Variants in CLASP2 observed in about 807,000 individuals in gnomAD.
The protein encoded by CLASP2 is cytoplasmic linker associated protein 2, also known as CLIP-associating protein 2.
In CLASP2, 47 loss-of-function variants were observed where a neutral mutation model predicts 194.4. The observed-to-expected ratio is 0.24, with a 90% CI of 0.19 to 0.31. The LOEUF (loss-of-function observed/expected upper bound fraction) is 0.31, where lower values mean the gene tolerates loss of function less well. Ranked by LOEUF, CLASP2 falls within the 10% of genes least tolerant of loss-of-function variation. CLASP2 has a pLI of 1.00. For missense variants in CLASP2, 1,445 were observed against 1,823.6 expected (o/e 0.79, Z 3.78); for synonymous variants, 619 against 633.5 (o/e 0.98, Z 0.34).
chr3:33,675,092 C>T (rs1046813670), intron 6 of CLASP2, among the ~76,000 whole-genome samples: 16 of 152,130 alleles, frequency 1.1e-4, no homozygotes, highest in African/African-American at 3.6e-4. Flanking sequence ...TTTTATGAGG[C>T]CAGCATCATC....
At chr3:33,586,865 A>G (rs915686385) in intron 21 of CLASP2, among the ~76,000 whole-genome samples, 6 of 152,096 alleles carry the variant, frequency 3.9e-5, no homozygotes, top group African/African-American at 1.4e-4. Context: ...CAGGATGTCA[A>G]AAAAGAGAGG....
chr3:33,543,306 G>A (rs2058666815), intron 32 of CLASP2, 127 bp downstream of exon 32: 2 of 620,578 alleles, frequency 3.2e-6, no homozygotes, highest in Admixed American at 5.1e-5. Context: ...CTGGGAGGTA[G>A]AGGTTGCAGT....
At chr3:33,582,641 G>A (rs1187703064) in intron 22 of CLASP2, among the ~76,000 whole-genome samples, 2 of 152,142 alleles carry the variant, frequency 1.3e-5, no homozygotes, top group African/African-American at 4.8e-5. Context: ...CTGGGTAACA[G>A]AGTAAGACCC....
chr3:33,591,807 TTA>T (rs1214389774), intron 21 of CLASP2, among the ~76,000 whole-genome samples: 1 of 152,222 alleles, frequency 6.6e-6, no homozygotes, highest in African/African-American at 2.4e-5. Context: ...TCATTTCAAA[TTA>T]TGTTTCCTCA....
At chr3:33,647,260 T>C (rs2082424569) in intron 7 of CLASP2, among the ~76,000 whole-genome samples, 1 of 152,260 alleles carries the variant, frequency 6.6e-6, no homozygotes, top group South Asian at 2.1e-4. Context: ...TAATTTATTT[T>C]AGATTATAAG....
chr3:33,717,766 C>A, intron 1 of CLASP2, 42 bp downstream of exon 1: 1 of 1,543,186 alleles, frequency 6.5e-7, no homozygotes, highest in Non-Finnish European at 8.7e-7. Context: ...AAAGGGCTGC[C>A]GCGGAGGGCG....
chr3:33,571,038 C>A (rs986249300), intron 25 of CLASP2, among the ~76,000 whole-genome samples: 2 of 101,174 alleles, frequency 2.0e-5, no homozygotes, highest in African/African-American at 3.4e-5. Flanking sequence ...TTTTTTGAGA[C>A]GGAGTCTCGC....
In CLASP2 at chr3:33,717,809, C is replaced by T. The variant is rs1394500753; in HGVS notation, c.194G>A (p.Arg65Gln). The change falls in exon 1 of 39, where the codon CGG becomes CAG. Residue 65 changes from arginine (R) to glutamine (Q), a missense_variant and splice_region_variant. Physicochemically the swap from Arg to Gln is conservative, Grantham distance 43. This residue lies in a region of CLASP2 where 332 missense variants were observed against 325.3 expected (regional missense o/e 1.02). Coordinates refer to ENST00000682230, the MANE Select transcript of CLASP2 (RefSeq NM_001365631.1). ...LTGWVGSSNY[R>Q]VSLMGLEILS... ...CCCAGCCTCGCCGCCGTCGCTTACC[C>T]GGTAGTTGCTCGAACCCACCCAGCC... 1.9e-6 allele frequency: 3 copies of T among 1,556,004 alleles called. No individual in the cohort carries two copies. Among genetic ancestry groups the T allele is most frequent in the East Asian group, 2.4e-5 (1 of 41,420 alleles).
At chr3:33,629,607 T>C (rs959506767) in intron 9 of CLASP2, among the ~76,000 whole-genome samples, 5 of 152,044 alleles carry the variant, frequency 3.3e-5, no homozygotes, top group African/African-American at 4.8e-5. Context: ...CACAGAAACA[T>C]AGTAAGCATA....
chr3:33,551,326 A>C lies in CLASP2; in HGVS notation c.3079T>G (p.Ser1027Ala), dbSNP rs1403101210. ...GACACTGCTAGGCGAGTTTCACTGG[A>C]ATTTATAAAATCTCCTGGATCCATC... ...KQMDPGDFIN[S>A]SETRLAVSRV... The change falls in exon 30 of 39, where the codon TCC becomes GCC. Residue 1027 changes from serine (S) to alanine (A), a missense_variant. Transcript: ENST00000682230. 3.1e-6 allele frequency: 5 copies of C among 1,613,834 alleles called. No individual in the cohort carries two copies. The South Asian group carries it at 5.5e-5, about 18-fold the overall frequency.
chr3:33,584,719 G>A, intron 22 of CLASP2, 31 bp downstream of exon 22: 2 of 1,435,368 alleles, frequency 1.4e-6, no homozygotes, highest in Non-Finnish European at 1.9e-6. Context: ...AGGGTTACAT[G>A]TCTCACATAA....
intron 31 of CLASP2, among the ~76,000 whole-genome samples, chr3:33,543,916 T>C (rs1375957100): frequency 6.6e-6 from 1 of 152,182 alleles, no homozygotes; most frequent in Non-Finnish European, 1.5e-5. Context: ...TTAAATCTTG[T>C]CATACTATTA....
intron 14 of CLASP2, among the ~76,000 whole-genome samples, chr3:33,608,106 G>A (rs912846106): frequency 2.6e-5 from 4 of 152,162 alleles, no homozygotes; most frequent in African/African-American, 9.7e-5. Context: ...CGTCATCTCA[G>A]AGTTACACTA....
chr3:33,650,073 TA>T (rs1210873124), intron 7 of CLASP2, among the ~76,000 whole-genome samples: 2 of 152,154 alleles, frequency 1.3e-5, no homozygotes, highest in African/African-American at 4.8e-5. Flanking sequence ...AAGACCCACT[TA>T]AAATCCTAGA....
chr3:33,718,009 G>C lies in CLASP2; in HGVS notation c.-7C>G. On this transcript the variant is annotated 5_prime_UTR_variant, in exon 1 of 39. Transcript: ENST00000682230. Reference sequence around the variant, plus strand: ...CCATGCTGCGGGGCTCCATGGCTGCGGCCGCCCGCCCGCCTGCCAGTCTGT... The same window carrying C: ...CCATGCTGCGGGGCTCCATGGCTGCCGCCGCCCGCCCGCCTGCCAGTCTGT... 1 of 1,460,438 alleles carries C rather than the reference G, an allele frequency of 6.8e-7. No homozygotes were observed. Among genetic ancestry groups the C allele is most frequent in the Non-Finnish European group, 9.0e-7 (1 of 1,112,958 alleles). 90.5% of individuals were successfully genotyped at this position (1,460,438 alleles called of 1,614,324 possible).
intron 2 of CLASP2, among the ~76,000 whole-genome samples, chr3:33,692,810 C>T (rs183081343): frequency 6.6e-6 from 1 of 152,238 alleles, no homozygotes; most frequent in Admixed American, 6.5e-5. Flanking sequence ...ATGTGTTAAA[C>T]AAATGAATCA....
intron 2 of CLASP2, among the ~76,000 whole-genome samples, chr3:33,692,940 C>G (rs952020102): frequency 2.0e-5 from 3 of 151,824 alleles, no homozygotes; most frequent in Admixed American, 2.0e-4. Context: ...AAGTGATAAC[C>G]GGGTAGCCTA....
At chr3:33,622,388 A>T (rs2077252138) in intron 10 of CLASP2, 108 bp from the exon 11 acceptor site, 1 of 744,800 alleles carries the variant, frequency 1.3e-6, no homozygotes, top group African/African-American at 1.8e-5. Flanking sequence ...TGAAACATAT[A>T]TAATGTTTCA....
chr3:33,649,353 T>C (rs2082799424), intron 7 of CLASP2, among the ~76,000 whole-genome samples: 2 of 152,210 alleles, frequency 1.3e-5, no homozygotes, highest in Admixed American at 6.5e-5. Flanking sequence ...GCTACTGAAA[T>C]ATATGAGCTG....
Sources: allele counts gnomAD v4.1 joint callset (sites outside exome capture counted in the v4.1 genomes callset), GRCh38; gene constraint gnomAD v4.1.1; regional missense constraint gnomAD v4.1.1; transcripts MANE v1.5; gene names NCBI Gene and HGNC (gene_info 2026-07-23, HGNC 2026-07-21).